Variants in CAPS2 observed in about 807,000 individuals in gnomAD.
CAPS2 encodes the protein calcyphosin-2.
CAPS2 carries 98 observed loss-of-function variants against 86.5 expected under a neutral mutation model. The ratio of observed to expected loss-of-function variants is 1.13; its 90% CI spans 0.96 to 1.34. The LOEUF (loss-of-function observed/expected upper bound fraction) is 1.34. CAPS2 is among the 40% of genes most tolerant of loss of function. CAPS2 has a pLI of 0.00. For synonymous variants in CAPS2, 210 were observed against 225.1 expected (o/e 0.93, Z 0.60); for missense variants, 729 against 686.8 (o/e 1.06, Z -0.69).
chr12:75,375,923 T>C (rs866845231), intron 1 of CAPS2, among the ~76,000 whole-genome samples: 9 of 152,364 alleles, frequency 5.9e-5, no homozygotes, highest in Admixed American at 3.3e-4. Context: ...CTGTAAGATC[T>C]GGCATACGGA....
intron 1 of CAPS2, among the ~76,000 whole-genome samples, chr12:75,347,361 G>A (rs1381558239): frequency 6.6e-6 from 1 of 151,930 alleles, no homozygotes; most frequent in African/African-American, 2.4e-5. Flanking sequence ...TGTATATTAT[G>A]AATTTGGTTA....
At chr12:75,331,261 G>A (rs1377122583), upstream of CAPS2, among the ~76,000 whole-genome samples, 1 of 152,128 alleles carries the variant, frequency 6.6e-6, no homozygotes, top group South Asian at 2.1e-4. Flanking sequence ...GTTTATGAAA[G>A]TTAATCCAGT....
intron 1 of CAPS2, among the ~76,000 whole-genome samples, chr12:75,336,155 C>G (rs1314888007): frequency 6.6e-6 from 1 of 151,434 alleles, no homozygotes; most frequent in East Asian, 1.9e-4. Context: ...CTGGATGGAC[C>G]GTGAGAAGTT....
At chr12:75,326,273 C>T in intron 1 of CAPS2, 145 bp downstream of exon 2, 2 of 414,292 alleles carry the variant, frequency 4.8e-6, no homozygotes, top group Middle Eastern at 5.8e-4. Context: ...TCATTATCTT[C>T]AATTTTGGTG....
chr12:75,283,272 C>A (rs2034296960), intron 15 of CAPS2, among the ~76,000 whole-genome samples: 1 of 152,122 alleles, frequency 6.6e-6, no homozygotes, highest in African/African-American at 2.4e-5. Context: ...CTACCCAAAG[C>A]AACATTCTGC....
chr12:75,297,125 TA>T (rs1450373105), intron 11 of CAPS2, among the ~76,000 whole-genome samples: 1 of 152,018 alleles, frequency 6.6e-6, no homozygotes, highest in Non-Finnish European at 1.5e-5. Context: ...TTGGAAATCA[TA>T]AAAAAGAACA....
chr12:75,320,854 G>A (rs1010310536), intron 5 of CAPS2, among the ~76,000 whole-genome samples: 3 of 151,624 alleles, frequency 2.0e-5, no homozygotes, highest in African/African-American at 4.8e-5. Context: ...CAATTACTAT[G>A]TTTAATTTAT....
chr12:75,345,405 T>C (rs564284823), intron 1 of CAPS2, among the ~76,000 whole-genome samples: 1 of 152,284 alleles, frequency 6.6e-6, no homozygotes, highest in East Asian at 1.9e-4. Context: ...TTTTGGGCCA[T>C]ACTTTAATCC....
downstream of CAPS2, chr12:75,276,355 G>A: frequency 7.0e-7 from 1 of 1,423,216 alleles, no homozygotes; most frequent in Non-Finnish European, 9.2e-7. Flanking sequence ...ATAGCCTAAT[G>A]TACACAATTC....
intron 1 of CAPS2, among the ~76,000 whole-genome samples, chr12:75,367,522 A>G (rs957025367): frequency 1.3e-4 from 7 of 54,320 alleles, no homozygotes; most frequent in African/African-American, 3.6e-4. Flanking sequence ...CACGTCGTGT[A>G]CCACAGGAAG....
chr12:75,386,544 T>C (rs991769763), intron 1 of CAPS2, among the ~76,000 whole-genome samples: 3 of 152,194 alleles, frequency 2.0e-5, no homozygotes, highest in Non-Finnish European at 4.4e-5. Flanking sequence ...ATGGCATTAA[T>C]ACAATTCATG....
chr12:75,284,351 A>G (rs2034503994), intron 15 of CAPS2, among the ~76,000 whole-genome samples: 1 of 152,214 alleles, frequency 6.6e-6, no homozygotes, highest in Non-Finnish European at 1.5e-5. Context: ...AAAGATAACT[A>G]TAGTTCTCAA....
chr12:75,333,976 G>C (rs1350701361), upstream of CAPS2: 2 of 152,152 alleles, frequency 1.3e-5, no homozygotes, highest in Non-Finnish European at 2.9e-5. Flanking sequence ...AATGTACTCT[G>C]TCCATCCCAG....
chr12:75,304,878 T>A lies in CAPS2; in HGVS notation c.660-2A>T. 1 of 1,605,672 alleles carries A rather than the reference T, an allele frequency of 6.2e-7. No homozygotes were observed. Among genetic ancestry groups the A allele is most frequent in the African/African-American group, 1.3e-5 (1 of 74,778 alleles). On this transcript the variant is annotated splice_acceptor_variant, in intron 7 of 16. Coordinates refer to ENST00000393284, the Ensembl canonical transcript of CAPS2. LOFTEE classifies it high-confidence loss of function. Reference sequence around the variant, plus strand: ...TGCTCTGGATCACTGATGACAGCCCTATACAGGAAAATAAAAAGTCCAACA... The same window carrying A: ...TGCTCTGGATCACTGATGACAGCCCAATACAGGAAAATAAAAAGTCCAACA...
chr12:75,367,091 T>C (rs992663648), intron 1 of CAPS2: 1 of 694,632 alleles, frequency 1.4e-6, no homozygotes, highest in African/African-American at 1.8e-5. Flanking sequence ...CTGAGATTAA[T>C]TTGGGGAGAA....
intron 1 of CAPS2, among the ~76,000 whole-genome samples, chr12:75,362,355 T>C (rs1241468388): frequency 2.6e-5 from 4 of 152,256 alleles, no homozygotes; most frequent in African/African-American, 9.6e-5. Flanking sequence ...CCATGCCAAA[T>C]GCTGGGGACA....
upstream of CAPS2, among the ~76,000 whole-genome samples, chr12:75,328,968 T>C (rs545274917): frequency 3.6e-4 from 55 of 152,328 alleles, no homozygotes; most frequent in African/African-American, 1.3e-3. Flanking sequence ...TGACACCCTA[T>C]GTAGATAATT....
rs748579375 is a variant in CAPS2 at position 75,304,710 on chromosome 12, T to G, written c.779+47A>C. The G allele has an allele frequency of 2.2e-6, 3 of 1,369,148 alleles. No individual in the cohort carries two copies. The Admixed American group carries it at 6.5e-5, about 30-fold the overall frequency. The allele number at this position is 1,369,148 out of a possible 1,614,324, so 84.8% of individuals were successfully genotyped here. ...CACAGAAGTACATTTTAAAAATACT[T>G]TTAGAACATAGTGCATCCTCATTTT... On this transcript the variant is annotated intron_variant, in intron 8 of 16. Transcript: ENST00000393284.
At chr12:75,362,668 A>G (rs11180475) in intron 1 of CAPS2, among the ~76,000 whole-genome samples, 45,698 of 152,130 alleles carry the variant, frequency 0.3, 7,949 homozygotes, top group East Asian at 0.45. Flanking sequence ...AAAATCAGGC[A>G]TAATAGCTGT....
Sources: gnomAD v4.1 joint callset for allele counts (sites outside exome capture counted in the v4.1 genomes callset) on GRCh38, gnomAD v4.1.1 for gene constraint, MANE v1.5 for transcripts, NCBI Gene and HGNC (gene_info 2026-07-23, HGNC 2026-07-21) for gene names.